FABP6: variants seen among roughly 807,000 people sequenced by gnomAD.
FABP6 encodes the protein fatty acid binding protein 6, also known as gastrotropin.
In FABP6, 13 loss-of-function variants were observed where a neutral mutation model predicts 14.9. The observed-to-expected ratio is 0.87, with a 90% CI of 0.57 to 1.39. FABP6 has a LOEUF of 1.39. FABP6 is among the 40% of genes most tolerant of loss of function. The pLI is 0.00. For missense variants in FABP6, 161 were observed against 167.2 expected (o/e 0.96, Z 0.20); for synonymous variants, 75 against 63.6 (o/e 1.18, Z -0.85).
At chr5:160,200,056 C>G (rs1759603329) in intron 2 of FABP6, among the ~76,000 whole-genome samples, 2 of 152,332 alleles carry the variant, frequency 1.3e-5, no homozygotes, top group African/African-American at 4.8e-5. Context: ...AAGGGGTAAA[C>G]TGAGGCTCCA....
chr5:160,223,231 A>G (rs565357266), intron 3 of FABP6, among the ~76,000 whole-genome samples: 1 of 152,122 alleles, frequency 6.6e-6, no homozygotes, highest in East Asian at 1.9e-4. Flanking sequence ...CTTTGTTATT[A>G]TTTTTATATG....
intron 2 of FABP6, among the ~76,000 whole-genome samples, chr5:160,232,546 A>G (rs1245560954): frequency 6.6e-6 from 1 of 152,202 alleles, no homozygotes; most frequent in Non-Finnish European, 1.5e-5. Context: ...AGTTAATCCT[A>G]TGAAATTGCT....
chr5:160,215,079 C>A (rs545459181), intron 3 of FABP6, among the ~76,000 whole-genome samples: 3 of 152,156 alleles, frequency 2.0e-5, no homozygotes, highest in African/African-American at 7.2e-5. Context: ...TTGAATAATG[C>A]TATTGTTTTT....
At chr5:160,193,256 G>T (rs545090627) in intron 1 of FABP6, among the ~76,000 whole-genome samples, 5 of 151,944 alleles carry the variant, frequency 3.3e-5, no homozygotes, top group Admixed American at 1.3e-4. Flanking sequence ...GTTGCGGCAC[G>T]TCTGGAGTTG....
At chr5:160,207,371 G>A (rs1759789823) in intron 2 of FABP6, among the ~76,000 whole-genome samples, 2 of 152,334 alleles carry the variant, frequency 1.3e-5, no homozygotes, top group Admixed American at 6.5e-5. Flanking sequence ...AGGAGACAAG[G>A]TAGCAATAGT....
At chr5:160,199,051 T>A (rs1759572852) in exon 2 of FABP6, 1 of 1,600,930 alleles carries the variant, frequency 6.2e-7, no homozygotes, top group African/African-American at 1.3e-5. Context: ...CATTGCAGAC[T>A]TTGCACCTCT....
chr5:160,213,650 T>A (rs188098985), intron 2 of FABP6: 1 of 1,143,174 alleles, frequency 8.7e-7, no homozygotes, highest in Non-Finnish European at 1.3e-6. Context: ...TATGAGGAGC[T>A]CTGCCTCCCT....
chr5:160,193,975 C>T (rs1232868911), intron 1 of FABP6, among the ~76,000 whole-genome samples: 1 of 152,230 alleles, frequency 6.6e-6, no homozygotes, highest in African/African-American at 2.4e-5. Context: ...GCTCGGGCTG[C>T]ACAGGTGCCC....
intron 1 of FABP6, among the ~76,000 whole-genome samples, chr5:160,188,533 G>C (rs1759334296): frequency 6.6e-6 from 1 of 152,138 alleles, no homozygotes; most frequent in Non-Finnish European, 1.5e-5. Context: ...TTTCCCGCTG[G>C]GGAGAGGCCG....
chr5:160,215,827 T>C (rs1231886102), intron 3 of FABP6, among the ~76,000 whole-genome samples: 1 of 152,074 alleles, frequency 6.6e-6, no homozygotes, highest in Non-Finnish European at 1.5e-5. Context: ...TGGGGTGGGA[T>C]TCATCCAACA....
chr5:160,219,404 A>G (rs577260894), intron 3 of FABP6, among the ~76,000 whole-genome samples: 1 of 152,244 alleles, frequency 6.6e-6, no homozygotes, highest in East Asian at 1.9e-4. Context: ...TATTGGTTCT[A>G]TTGCCTCATA....
intron 2 of FABP6, among the ~76,000 whole-genome samples, chr5:160,203,625 GTA>G (rs1759694056): frequency 6.6e-6 from 1 of 152,010 alleles, no homozygotes; most frequent in South Asian, 2.1e-4. Flanking sequence ...AGCCACCCAA[GTA>G]GCTGGGATTA....
intron 2 of FABP6, among the ~76,000 whole-genome samples, chr5:160,200,650 G>A (rs1226236731): frequency 1.3e-5 from 2 of 152,118 alleles, no homozygotes; most frequent in Non-Finnish European, 2.9e-5. Context: ...CTGACCTCAG[G>A]TGATCCACCC....
intron 3 of FABP6, 74 bp downstream of exon 3, chr5:160,234,983 G>C (rs537365899): frequency 2.2e-6 from 3 of 1,351,828 alleles, no homozygotes; most frequent in Admixed American, 1.9e-5. Context: ...CTCAGAAGTA[G>C]GCCTCTACGC....
intron 1 of FABP6, chr5:160,198,904 C>G: frequency 1.7e-6 from 1 of 584,748 alleles, no homozygotes; most frequent in Non-Finnish European, 3.0e-6. Flanking sequence ...GGGCAGGGAC[C>G]TCACGTGTTT....
intron 3 of FABP6, among the ~76,000 whole-genome samples, chr5:160,215,160 AAGG>A (rs1183566355): frequency 1.4e-4 from 21 of 152,326 alleles, no homozygotes; most frequent in African/African-American, 5.0e-4. Context: ...TGTCCAACAA[AAGG>A]AGAATGGCTG....
chr5:160,198,920 G>A, intron 1 of FABP6: 1 of 603,154 alleles, frequency 1.7e-6, no homozygotes, highest in South Asian at 2.1e-5. Flanking sequence ...TGTTTCTTCT[G>A]TATCTCCAGG....
At chr5:160,215,099 A>G (rs1375391772) in intron 3 of FABP6, among the ~76,000 whole-genome samples, 1 of 152,126 alleles carries the variant, frequency 6.6e-6, no homozygotes, top group Non-Finnish European at 1.5e-5. Context: ...TGTTTTCCCC[A>G]TGTTGTGGTG....
In FABP6 at chr5:160,205,822, G is replaced by A. The variant is rs1429906344; in HGVS notation, c.51+6665G>A. Among the ~76,000 whole-genome samples, 8 of 152,190 alleles carry A rather than the reference G, an allele frequency of 5.3e-5. No individual in the cohort carries two copies. The South Asian group carries it at 1.2e-3, about 24-fold the overall frequency. ...AGGATGCAGAATTAAGCAGAGTGGA[G>A]AAGTGGAAATGACCCAGGGCCTCTA... is the stretch of plus-strand genomic sequence containing the variant. On this transcript the variant is annotated intron_variant, in intron 2 of 6. Coordinates refer to the FABP6 transcript ENST00000393980.
Sources: gnomAD v4.1 joint callset for allele counts (sites outside exome capture counted in the v4.1 genomes callset) on GRCh38, gnomAD v4.1.1 for gene constraint, MANE v1.5 for transcripts, NCBI Gene and HGNC (gene_info 2026-07-23, HGNC 2026-07-21) for gene names.